The following ATG7 variants were observed in gnomAD, a reference collection of about 807,000 sequenced individuals.
ATG7 encodes ubiquitin-like modifier-activating enzyme ATG7.
A neutral mutation model predicts 82.4 loss-of-function variants in ATG7; 70 were observed. That is an observed-to-expected ratio of 0.85 (90% CI 0.70 to 1.04). The LOEUF (loss-of-function observed/expected upper bound fraction) is 1.04, where lower values mean the gene tolerates loss of function less well. ATG7 is among the 50% of genes least tolerant of loss of function. The pLI is 0.00. For synonymous variants in ATG7, 287 were observed against 313.0 expected (o/e 0.92, Z 0.88); for missense variants, 792 against 864.3 (o/e 0.92, Z 1.05).
At chr3:11,277,758 G>A (rs1942127998) in intron 1 of ATG7, among the ~76,000 whole-genome samples, 1 of 152,068 alleles carries the variant, frequency 6.6e-6, no homozygotes, top group South Asian at 2.1e-4. Context: ...GCAGAGAACT[G>A]GTCTGACCTC....
chr3:11,526,263 T>C (rs944314070), intron 20 of ATG7, among the ~76,000 whole-genome samples: 3 of 152,058 alleles, frequency 2.0e-5, no homozygotes, highest in Admixed American at 6.6e-5. Flanking sequence ...TAGTGGTGCA[T>C]GCCTGTAATC....
At chr3:11,471,745 C>CTCTTTT (rs775138453) in intron 20 of ATG7, among the ~76,000 whole-genome samples, 1 of 105,710 alleles carries the variant, frequency 9.5e-6, no homozygotes, top group Non-Finnish European at 1.8e-5. Context: ...TTTTAGATTT[C>CTCTTTT]TTTTTTTTTT....
chr3:11,404,431 G>A (rs962512613), intron 19 of ATG7, among the ~76,000 whole-genome samples: 20 of 151,722 alleles, frequency 1.3e-4, no homozygotes, highest in African/African-American at 4.1e-4. Flanking sequence ...CACCATGGCC[G>A]GCTCCAGCTC....
intron 20 of ATG7, among the ~76,000 whole-genome samples, chr3:11,534,530 G>C (rs1244303868): frequency 6.6e-6 from 1 of 152,246 alleles, no homozygotes; most frequent in Non-Finnish European, 1.5e-5. Flanking sequence ...AACGCATCAG[G>C]GTTCTTCCTG....
chr3:11,284,589 T>C (rs1212819543), intron 3 of ATG7, among the ~76,000 whole-genome samples: 1 of 152,212 alleles, frequency 6.6e-6, no homozygotes, highest in Non-Finnish European at 1.5e-5. Flanking sequence ...TCTTGCTCTG[T>C]TGCCCAGGCT....
At chr3:11,383,014 A>G (rs1464167763) in intron 19 of ATG7, among the ~76,000 whole-genome samples, 1 of 152,194 alleles carries the variant, frequency 6.6e-6, no homozygotes, top group African/African-American at 2.4e-5. Flanking sequence ...GAATGCTTCA[A>G]TGTGAATTCC....
chr3:11,351,183 G>C (rs1476064854), intron 14 of ATG7, among the ~76,000 whole-genome samples: 1 of 152,146 alleles, frequency 6.6e-6, no homozygotes, highest in Non-Finnish European at 1.5e-5. Context: ...GTGTTCCAGG[G>C]ACAGGGGAAC....
At chr3:11,537,770 T>C (rs2070443057) in intron 20 of ATG7, among the ~76,000 whole-genome samples, 1 of 152,234 alleles carries the variant, frequency 6.6e-6, no homozygotes, top group African/African-American at 2.4e-5. Flanking sequence ...TTGTTTTATG[T>C]ATCCTTGATA....
intron 15 of ATG7, among the ~76,000 whole-genome samples, chr3:11,358,873 G>A (rs180821057): frequency 1.2e-3 from 184 of 152,258 alleles, no homozygotes; most frequent in African/African-American, 4.2e-3. Flanking sequence ...ACATTAAAAC[G>A]TAAGCTCCAA....
intron 20 of ATG7, among the ~76,000 whole-genome samples, chr3:11,492,756 C>T (rs145863195): frequency 2.0e-5 from 3 of 152,220 alleles, no homozygotes; most frequent in Non-Finnish European, 4.4e-5. Context: ...CTTGTTTGCT[C>T]AGGCCCATCG....
chr3:11,316,246 G>A (rs939236070), intron 9 of ATG7, among the ~76,000 whole-genome samples: 1 of 152,048 alleles, frequency 6.6e-6, no homozygotes, highest in African/African-American at 2.4e-5. Flanking sequence ...AGAGCATAAT[G>A]GTGTCTTCCT....
At chr3:11,481,872 G>T (rs377203710) in intron 20 of ATG7, among the ~76,000 whole-genome samples, 1 of 152,192 alleles carries the variant, frequency 6.6e-6, no homozygotes, top group East Asian at 1.9e-4. Flanking sequence ...GAAGGCCAAA[G>T]GCCTTTGGCC....
chr3:11,293,014 AT>A (rs1331787911), intron 3 of ATG7, among the ~76,000 whole-genome samples: 2 of 152,308 alleles, frequency 1.3e-5, no homozygotes, highest in East Asian at 3.9e-4. Context: ...TGACTTTGAA[AT>A]TTCTTCCTTG....
chr3:11,481,020 T>G (rs2088901018), intron 20 of ATG7, among the ~76,000 whole-genome samples: 1 of 152,248 alleles, frequency 6.6e-6, no homozygotes, highest in Non-Finnish European at 1.5e-5. Flanking sequence ...ACTATTAGTC[T>G]TCAGTTGTGG....
chr3:11,488,424 C>T lies in ATG7; in HGVS notation c.2079+61498C>T, dbSNP rs1220797595. On this transcript the variant is annotated intron_variant, in intron 20 of 20. Coordinates refer to ENST00000693202, the MANE Select transcript of ATG7 (RefSeq NM_001349232.2). ...TGCCCGCTGAACTCCATCCTCCCGG[C>T]GGTCGGGCAGCGGCGGCTGCGGTCG... is the stretch of plus-strand genomic sequence containing the variant. 384 of 1,230,742 alleles carry T rather than the reference C, an allele frequency of 3.1e-4. 1 individual carries two copies. Among genetic ancestry groups the T allele is most frequent in the Non-Finnish European group, 3.8e-4 (356 of 943,756 alleles). The allele number at this position is 1,230,742 out of a possible 1,614,324, so 76.2% of individuals were successfully genotyped here. A position where few individuals can be genotyped will look rare whatever the true frequency, so the allele number is the denominator to read the frequency against.
chr3:11,430,592 T>C (rs899691119), intron 20 of ATG7, among the ~76,000 whole-genome samples: 4 of 152,168 alleles, frequency 2.6e-5, no homozygotes, highest in Admixed American at 6.5e-5. Flanking sequence ...ATATACTTTG[T>C]TTATAAAATA....
At chr3:11,349,860 A>C (rs2075410006) in intron 14 of ATG7, among the ~76,000 whole-genome samples, 1 of 152,214 alleles carries the variant, frequency 6.6e-6, no homozygotes, top group African/African-American at 2.4e-5. Flanking sequence ...CTGGTTTTTG[A>C]GTTATATCAT....
chr3:11,574,055 C>T, the ATG7 span, among the ~76,000 whole-genome samples: 30 of 152,296 alleles, frequency 2.0e-4, no homozygotes, highest in Non-Finnish European at 2.6e-4. Flanking sequence ...CCTGCACAGA[C>T]GCTCCCCACA....
At chr3:11,570,615 T>A in the ATG7 span, among the ~76,000 whole-genome samples, 3 of 152,228 alleles carry the variant, frequency 2.0e-5, no homozygotes, top group African/African-American at 7.2e-5. Context: ...TGAGTCCAGT[T>A]AACAGCGTTT....
Sources: allele counts gnomAD v4.1 joint callset (sites outside exome capture counted in the v4.1 genomes callset), GRCh38; gene constraint gnomAD v4.1.1; transcripts MANE v1.5; gene names NCBI Gene and HGNC (gene_info 2026-07-23, HGNC 2026-07-21).